Variants in LRRC37A observed in about 807,000 individuals in gnomAD.
LRRC37A encodes the protein leucine-rich repeat-containing protein 37A.
LRRC37A carries 3 observed loss-of-function variants against 35.4 expected under a neutral mutation model. The observed-to-expected ratio is 0.08, with a 90% confidence interval of 0.04 to 0.22. The LOEUF is 0.22. LRRC37A is among the 10% of genes least tolerant of loss of function. The probability of loss-of-function intolerance (pLI) is 1.00; values close to 1 mark genes in which losing one functional copy is unlikely to be tolerated. For synonymous variants in LRRC37A, 23 were observed against 215.0 expected (o/e 0.11, Z 7.81); for missense variants, 67 against 565.3 (o/e 0.12, Z 8.94).
the LRRC37A span, among the ~76,000 whole-genome samples, chr17:46,263,714 C>T: frequency 2.0e-5 from 3 of 151,650 alleles, no homozygotes; most frequent in South Asian, 4.1e-4. Flanking sequence ...ATTAGCAGGT[C>T]GTGGTGGCAC....
At chr17:46,259,019 A>ATTTTTGTTTTTTTTTTTTTTTTTTTTT in the LRRC37A span, among the ~76,000 whole-genome samples, 1 of 79,468 alleles carries the variant, frequency 1.3e-5, no homozygotes, top group Non-Finnish European at 2.2e-5. Context: ...CACCCGGCCT[A>ATTTTTGTTTTTTTTTTTTTTTTTTTTT]TTTTTTTTTT....
At chr17:46,256,069 T>C in the LRRC37A span, among the ~76,000 whole-genome samples, 2 of 152,076 alleles carry the variant, frequency 1.3e-5, no homozygotes, top group East Asian at 3.9e-4. Context: ...CAGTGCCCCA[T>C]GATGGGATGA....
the LRRC37A span, among the ~76,000 whole-genome samples, chr17:46,276,040 GCCA>G: frequency 1.3e-5 from 2 of 152,176 alleles, no homozygotes; most frequent in Non-Finnish European, 2.9e-5. Flanking sequence ...ACAGGTGCCT[GCCA>G]CCACACCCGG....
chr17:46,272,587 G>C, the LRRC37A span, among the ~76,000 whole-genome samples: 1 of 152,088 alleles, frequency 6.6e-6, no homozygotes, highest in Non-Finnish European at 1.5e-5. Flanking sequence ...GCTAATTTTT[G>C]TACTTTTAGT....
At chr17:46,280,635 G>A in the LRRC37A span, among the ~76,000 whole-genome samples, 1 of 144,824 alleles carries the variant, frequency 6.9e-6, no homozygotes, top group African/African-American at 2.7e-5. Context: ...GTGCAGTGGT[G>A]TGATCTTGGC....
At chr17:46,263,998 C>G in the LRRC37A span, among the ~76,000 whole-genome samples, 8 of 151,956 alleles carry the variant, frequency 5.3e-5, no homozygotes, top group African/African-American at 1.7e-4. Flanking sequence ...CATCTGGCTC[C>G]CACCATCTCT....
chr17:46,298,772 C>A (rs1598098425), intron 1 of LRRC37A, among the ~76,000 whole-genome samples: 2 of 82,804 alleles, frequency 2.4e-5, no homozygotes, highest in African/African-American at 8.3e-5. Flanking sequence ...AGAGAATAGG[C>A]ATAAAAAGGG....
At chr17:46,268,470 C>G in the LRRC37A span, 1 of 1,293,232 alleles carries the variant, frequency 7.7e-7, no homozygotes, top group East Asian at 2.9e-5. Context: ...ATTTAAAAGA[C>G]GCTATGAATT....
chr17:46,260,469 C>A, the LRRC37A span: 87 of 1,584,926 alleles, frequency 5.5e-5, no homozygotes, highest in Non-Finnish European at 7.4e-5. Flanking sequence ...GGCGGGCTGC[C>A]CACCCAGCCT....
rs768779177 is a variant in LRRC37A at position 46,330,944 on chromosome 17, C to G, written c.3667C>G (p.Pro1223Ala). Reference sequence around the variant, plus strand: ...GGAACAGCCCCACACACAGCAGGGGCCTGAGAAGTTAGCGGGAAACGCCGT... The same window carrying G: ...GGAACAGCCCCACACACAGCAGGGGGCTGAGAAGTTAGCGGGAAACGCCGT... The change falls in exon 9 of 14, where the codon CCT becomes GCT. Residue 1223 changes from proline to alanine, a missense_variant. By Grantham distance (27) the Pro-to-Ala change is conservative. Transcript: ENST00000320254. The G allele has an allele frequency of 4.1e-6, 3 of 724,806 alleles. 1 individual carries two copies. In the Admixed American group the frequency reaches 8.7e-5, roughly 21 times the overall value. 44.9% of individuals were successfully genotyped at this position (724,806 alleles called of 1,614,324 possible).
At chr17:46,272,467 T>G in the LRRC37A span, among the ~76,000 whole-genome samples, 15 of 152,352 alleles carry the variant, frequency 9.8e-5, no homozygotes, top group Admixed American at 6.5e-4. Flanking sequence ...CAGGCTGGAG[T>G]GCAATGGCGT....
chr17:46,269,288 C>CT, the LRRC37A span, among the ~76,000 whole-genome samples: 105 of 152,338 alleles, frequency 6.9e-4, 1 homozygote, highest in African/African-American at 2.5e-3. Flanking sequence ...AATCCCAGCA[C>CT]TTTGAGAGGC....
the LRRC37A span, among the ~76,000 whole-genome samples, chr17:46,253,425 C>T: frequency 1.3e-5 from 2 of 152,084 alleles, no homozygotes; most frequent in Non-Finnish European, 2.9e-5. Flanking sequence ...TGTAGCCAGC[C>T]GAGATCACGC....
upstream of LRRC37A, among the ~76,000 whole-genome samples, chr17:46,287,763 T>C (rs191299170): frequency 2.1e-3 from 323 of 152,244 alleles, no homozygotes; most frequent in Non-Finnish European, 3.4e-3. Context: ...CAAAGATAGT[T>C]ATCCAGAATC....
chr17:46,282,849 T>G, the LRRC37A span, among the ~76,000 whole-genome samples: 2 of 152,226 alleles, frequency 1.3e-5, no homozygotes, highest in African/African-American at 4.8e-5. Context: ...CTGGGCGCGG[T>G]GGCTCATGCC....
chr17:46,280,657 T>C, the LRRC37A span, among the ~76,000 whole-genome samples: 1 of 142,278 alleles, frequency 7.0e-6, no homozygotes, highest in African/African-American at 2.6e-5. Flanking sequence ...CATTGCAGCC[T>C]CTGCCTCCCT....
chr17:46,256,596 C>T, the LRRC37A span, among the ~76,000 whole-genome samples: 1 of 152,100 alleles, frequency 6.6e-6, no homozygotes, highest in Non-Finnish European at 1.5e-5. Context: ...TTTAAGCCAC[C>T]CAGTATGTAA....
upstream of LRRC37A, among the ~76,000 whole-genome samples, chr17:46,289,971 G>C (rs1054472883): frequency 2.4e-4 from 37 of 152,168 alleles, no homozygotes; most frequent in African/African-American, 8.9e-4. Context: ...ATACAAAAAT[G>C]AGCCAGGTGT....
At chr17:46,248,783 G>T in the LRRC37A span, among the ~76,000 whole-genome samples, 2 of 151,994 alleles carry the variant, frequency 1.3e-5, no homozygotes, top group African/African-American at 4.9e-5. Flanking sequence ...GCTTCCCAAA[G>T]TGCTAGGATT....
Sources: gnomAD v4.1 joint callset for allele counts (sites outside exome capture counted in the v4.1 genomes callset) on GRCh38, gnomAD v4.1.1 for gene constraint, MANE v1.5 for transcripts, NCBI Gene and HGNC (gene_info 2026-07-23, HGNC 2026-07-21) for gene names.